Variants in FLI1 observed in about 807,000 individuals in gnomAD.
FLI1 encodes Fli-1 proto-oncogene, ETS transcription factor.
Under a neutral mutation model 53.1 loss-of-function variants are expected in FLI1, and 13 were observed. The observed-to-expected ratio is 0.24, with a 90% CI of 0.16 to 0.39. The LOEUF is 0.39. Ranked by LOEUF, FLI1 falls within the 10% of genes least tolerant of loss-of-function variation. The pLI, the probability that FLI1 is intolerant of heterozygous loss-of-function variation, is 1.00. For synonymous variants in FLI1, 244 were observed against 236.7 expected, an observed-to-expected ratio of 1.03 and a Z score of -0.28; for missense variants, 424 against 600.5, an observed-to-expected ratio of 0.71 and a Z score of 3.07.
chr11:128,791,907 G>T (rs1014428360), intron 5 of FLI1, among the ~76,000 whole-genome samples: 37 of 152,218 alleles, frequency 2.4e-4, no homozygotes, highest in African/African-American at 8.7e-4. Flanking sequence ...CTGCCCATCA[G>T]GAGGAGGCTG....
At chr11:128,738,956 G>A (rs1374845551) in intron 1 of FLI1, among the ~76,000 whole-genome samples, 2 of 152,192 alleles carry the variant, frequency 1.3e-5, no homozygotes, top group Admixed American at 6.5e-5. Flanking sequence ...AGAAAAATCA[G>A]CAGCAAATAC....
intron 1 of FLI1, among the ~76,000 whole-genome samples, chr11:128,729,435 C>T (rs538608745): frequency 4.5e-4 from 68 of 152,326 alleles, no homozygotes; most frequent in Admixed American, 1.8e-3. Context: ...TTGGCCTCTG[C>T]CACTGTGTGT....
chr11:128,741,709 G>A (rs1419846421), intron 1 of FLI1, among the ~76,000 whole-genome samples: 1 of 152,362 alleles, frequency 6.6e-6, no homozygotes, highest in East Asian at 1.9e-4. Context: ...CCAATGAAGT[G>A]TTAATGCCTT....
rs577965346 is a variant in FLI1 at position 128,767,206 on chromosome 11, A to G, written c.231-912A>G. On this transcript the variant is annotated intron_variant, in intron 2 of 8. Transcript: ENST00000527786. ...GGTGCTGATCAAGTTCTGTAGTTCT[A>G]GGCTAAGTTGGATGATCTGCTTTCT... Among the ~76,000 whole-genome samples, 237 of 152,288 alleles carry G rather than the reference A, an allele frequency of 1.6e-3. 1 individual carries two copies. The highest frequency in any genetic ancestry group is 0.01 in the Middle Eastern group (3 of 294).
At chr11:128,764,509 A>G (rs1941253636) in intron 2 of FLI1, 4 of 735,298 alleles carry the variant, frequency 5.4e-6, no homozygotes, top group South Asian at 3.1e-5. Context: ...TCCCAGTGCT[A>G]TCAGCTGCCA....
intron 1 of FLI1, among the ~76,000 whole-genome samples, chr11:128,751,901 A>C (rs1339255158): frequency 5.3e-5 from 8 of 150,764 alleles, no homozygotes; most frequent in South Asian, 4.2e-4. Context: ...GGGCTCAAGC[A>C]TTCCACCCGG....
At position 128,752,824 on chromosome 11, in the gene FLI1, C is replaced by T. The variant is rs945991655; in HGVS notation, c.19-5291C>T. Among the ~76,000 whole-genome samples, 4 of 152,144 alleles carry T rather than the reference C, an allele frequency of 2.6e-5. No homozygotes were observed. The South Asian group carries it at 6.2e-4, about 24-fold the overall frequency. ...TACCACTTTTATCTGTTTTCTGTAA[C>T]GACGACAGAGGGTGTATTATATCAT... On this transcript the variant is annotated intron_variant, in intron 1 of 8. Coordinates refer to ENST00000527786, the MANE Select transcript of FLI1 (RefSeq NM_002017.5).
chr11:128,692,586 G>C (rs556779249), upstream of FLI1: 8 of 152,214 alleles, frequency 5.3e-5, no homozygotes, highest in Non-Finnish European at 7.3e-5. Flanking sequence ...GAGAGGGAGG[G>C]GGAGGGAGGG....
chr11:128,703,897 A>G (rs1277929636), intron 1 of FLI1, among the ~76,000 whole-genome samples: 1 of 150,420 alleles, frequency 6.6e-6, no homozygotes, highest in Non-Finnish European at 1.5e-5. Flanking sequence ...ACAGACTTGT[A>G]AAAAGGTGAA....
At chr11:128,784,858 T>G (rs1050002802) in intron 5 of FLI1, among the ~76,000 whole-genome samples, 1 of 127,286 alleles carries the variant, frequency 7.9e-6, no homozygotes, top group Non-Finnish European at 1.5e-5. Context: ...GCACCAGAGC[T>G]GTGTGTGTGT....
At position 128,774,082 on chromosome 11, in the gene FLI1, G is replaced by A. The variant is rs535894069; in HGVS notation, c.589+1097G>A. On this transcript the variant is annotated intron_variant, in intron 4 of 8. Transcript: ENST00000527786. ...GGCTGGCTCTGGGTTGGTGAGCTCT[G>A]TTTGCTCGCCATCGTTCTGTGGACC... Among the ~76,000 whole-genome samples, 28 of 152,264 alleles carry A rather than the reference G, an allele frequency of 1.8e-4. No individual in the cohort carries two copies. In the South Asian group the frequency reaches 5.4e-3, roughly 29 times the overall value.
chr11:128,754,091 C>T (rs182906624), intron 1 of FLI1, among the ~76,000 whole-genome samples: 2 of 152,248 alleles, frequency 1.3e-5, no homozygotes, highest in East Asian at 3.9e-4. Context: ...ATTGGCTTTT[C>T]AAATTCAGCC....
intron 1 of FLI1, among the ~76,000 whole-genome samples, chr11:128,714,836 G>T (rs988545925): frequency 1.3e-5 from 2 of 150,134 alleles, no homozygotes; most frequent in African/African-American, 5.0e-5. Context: ...AGCCTTCCGT[G>T]TAGCTTGGAC....
chr11:128,785,558 A>C (rs544181511), intron 5 of FLI1, among the ~76,000 whole-genome samples: 2 of 152,282 alleles, frequency 1.3e-5, no homozygotes, highest in African/African-American at 4.8e-5. Flanking sequence ...GCCTAAATGT[A>C]ACTTGGGCAA....
Position 128,733,417 on chromosome 11 carries a change from C to T in FLI1, c.19-24698C>T, listed in dbSNP as rs147257327. ...TAGGATTAGTGTCCTGCTGGTGTCC[C>T]GGAAGCATCTCAGTAGCTCTACACA... On this transcript the variant is annotated intron_variant, in intron 1 of 8. Coordinates refer to ENST00000527786, the MANE Select transcript of FLI1 (RefSeq NM_002017.5). Among the ~76,000 whole-genome samples, 639 of 152,148 alleles carry T rather than the reference C, an allele frequency of 4.2e-3. 3 individuals carry two copies. The highest frequency in any genetic ancestry group is 0.02 in the South Asian group (95 of 4,818).
chr11:128,790,926 G>A (rs1462949159), intron 5 of FLI1, among the ~76,000 whole-genome samples: 1 of 152,076 alleles, frequency 6.6e-6, no homozygotes, highest in African/African-American at 2.4e-5. Context: ...AGCTACCAGA[G>A]GTTGTGCAGG....
At chr11:128,807,534 T>C (rs1942816405) in intron 7 of FLI1, among the ~76,000 whole-genome samples, 1 of 152,122 alleles carries the variant, frequency 6.6e-6, no homozygotes, top group South Asian at 2.1e-4. Flanking sequence ...CTAAAAACCA[T>C]ACAGCTGGTT....
rs187813175 is a variant in FLI1 at position 128,746,708 on chromosome 11, A to G, written c.19-11407A>G. Among the ~76,000 whole-genome samples the G allele has an allele frequency of 4.5e-3, 685 of 151,978 alleles. 14 individuals are homozygous for G. Among genetic ancestry groups the G allele is most frequent in the African/African-American group, 0.016 (653 of 41,430 alleles). ...GGTGAAATTCACTCCACGAGGAAGCACTGCAGTCACTCCCCACGGAAGCTT... is the reference window on the plus strand; with the variant it reads ...GGTGAAATTCACTCCACGAGGAAGCGCTGCAGTCACTCCCCACGGAAGCTT... On this transcript the variant is annotated intron_variant, in intron 1 of 8. Transcript: ENST00000527786.
chr11:128,758,352 T>C lies in FLI1; in HGVS notation c.230+26T>C, dbSNP rs543908687. ...GTAAGCTCACCAGGCCTGTGCAGGA[T>C]TGGGGGAAGGCACAAAGTCGCCAGA... is the stretch of plus-strand genomic sequence containing the variant. On this transcript the variant is annotated intron_variant, in intron 2 of 8. Transcript: ENST00000527786. 3.2e-5 allele frequency: 51 copies of C among 1,597,108 alleles called. No homozygotes were observed. The South Asian group carries it at 3.7e-4, about 12-fold the overall frequency.
Sources: allele counts gnomAD v4.1 joint callset (sites outside exome capture counted in the v4.1 genomes callset), GRCh38; gene constraint gnomAD v4.1.1; transcripts MANE v1.5; gene names NCBI Gene and HGNC (gene_info 2026-07-23, HGNC 2026-07-21).